The following GFM1 variants were observed in gnomAD, a reference collection of about 807,000 sequenced individuals.
The protein encoded by GFM1 is elongation factor G, mitochondrial.
A neutral mutation model predicts 96.2 loss-of-function variants in GFM1; 62 were observed. That is an observed-to-expected ratio of 0.64 (90% CI 0.53 to 0.80). GFM1 has a LOEUF of 0.80. Ranked by LOEUF, GFM1 falls within the 30% of genes least tolerant of loss-of-function variation. The pLI is 0.00. For missense variants in GFM1, 852 were observed against 916.6 expected, an observed-to-expected ratio of 0.93 and a Z score of 0.91; for synonymous variants, 282 against 312.9, an observed-to-expected ratio of 0.90 and a Z score of 1.04.
At chr3:158,669,420 C>T in intron 13 of GFM1, 1 of 1,594,350 alleles carries the variant, frequency 6.3e-7, no homozygotes, top group Non-Finnish European at 8.5e-7. Flanking sequence ...GTTTTCATGC[C>T]ATATTTATAT....
intron 9 of GFM1, 50 bp downstream of exon 9, chr3:158,659,109 A>G: frequency 6.2e-7 from 1 of 1,601,186 alleles, no homozygotes; most frequent in Non-Finnish European, 8.6e-7. Flanking sequence ...TGTGGGTGAA[A>G]TAGACCCTTC....
chr3:158,654,397 ATC>A, intron 7 of GFM1, 148 bp from the exon 8 acceptor site: 1 of 586,524 alleles, frequency 1.7e-6, no homozygotes, highest in Non-Finnish European at 3.0e-6. Context: ...ATTTCTATTG[ATC>A]TCTTTCAGTG....
intron 1 of GFM1, 31 bp from the exon 2 acceptor site, chr3:158,645,598 G>A: frequency 6.4e-7 from 1 of 1,574,140 alleles, no homozygotes; most frequent in Non-Finnish European, 8.7e-7. Context: ...TATAAAAGGT[G>A]CATAGAATTG....
At chr3:158,654,315 G>A (rs1722561825) in intron 7 of GFM1, among the ~76,000 whole-genome samples, 1 of 140,274 alleles carries the variant, frequency 7.1e-6, no homozygotes. Flanking sequence ...CTGAGCTCAA[G>A]TGATCCTCTC....
At chr3:158,681,725 C>T (rs1449265065) in intron 13 of GFM1, among the ~76,000 whole-genome samples, 3 of 152,066 alleles carry the variant, frequency 2.0e-5, no homozygotes, top group Non-Finnish European at 4.4e-5. Flanking sequence ...TTAGACTGAC[C>T]TTTTTCTTTT....
At position 158,645,166 on chromosome 3, in the gene GFM1, T is replaced by C. The variant is rs149887109; in HGVS notation, c.81+451T>C. Reference sequence around the variant, plus strand: ...TTTGTTTGGAGGGAATTGGAAATCTTTGGGGGCTGTCTTGGAGCTACTAGC... The same window carrying C: ...TTTGTTTGGAGGGAATTGGAAATCTCTGGGGGCTGTCTTGGAGCTACTAGC... On this transcript the variant is annotated intron_variant, in intron 1 of 17. Transcript: ENST00000486715. Among the ~76,000 whole-genome samples the C allele has an allele frequency of 1.3e-3, 198 of 152,288 alleles. 2 individuals carry two copies. The highest frequency in any genetic ancestry group is 1.4e-3 in the Non-Finnish European group (95 of 68,028).
At position 158,665,295 on chromosome 3, in the gene GFM1, A is replaced by T. The variant is rs747149357; in HGVS notation, c.1381-42A>T. The T allele has an allele frequency of 2.7e-6, 4 of 1,506,520 alleles. No homozygotes were observed. The South Asian group carries it at 4.5e-5, about 17-fold the overall frequency. The allele number at this position is 1,506,520 out of a possible 1,614,324, so 93.3% of individuals were successfully genotyped here. A position where few individuals can be genotyped will look rare whatever the true frequency, so the allele number is the denominator to read the frequency against. Reference sequence around the variant, plus strand: ...TTTTTCTAAAATCCCATTGCTTATCATGCTCAGTAAAACATATAGTGACTT... The same window carrying T: ...TTTTTCTAAAATCCCATTGCTTATCTTGCTCAGTAAAACATATAGTGACTT... On this transcript the variant is annotated intron_variant, in intron 11 of 17. Transcript: ENST00000486715.
intron 13 of GFM1, among the ~76,000 whole-genome samples, chr3:158,678,704 C>A (rs1576781659): frequency 6.6e-6 from 1 of 152,204 alleles, no homozygotes; most frequent in Non-Finnish European, 1.5e-5. Context: ...GTTATTACAA[C>A]AAAGGGTAAA....
chr3:158,662,502 G>A, intron 10 of GFM1, 126 bp from the exon 11 acceptor site: 1 of 686,734 alleles, frequency 1.5e-6, no homozygotes, highest in Non-Finnish European at 2.7e-6. Flanking sequence ...ATGTTGTCTA[G>A]CCTAAAGACA....
chr3:158,649,094 G>A lies in GFM1; in HGVS notation c.626G>A (p.Gly209Asp), dbSNP rs2108009521. Reference sequence around the variant, plus strand: ...ATGCAGATACCCATGGGTTTGGAGGGTAATTTTAAAGGTATTGTAGATCTT... The same window carrying A: ...ATGCAGATACCCATGGGTTTGGAGGATAATTTTAAAGGTATTGTAGATCTT... ...AFMQIPMGLE[G>D]NFKGIVDLIE... Residue 209 changes from glycine (G) to aspartate (D), a missense_variant, in exon 5 of 18, where the codon GGT (glycine) becomes GAT (aspartate). By Grantham distance (94) the Gly-to-Asp change is moderately conservative. Coordinates refer to ENST00000486715, the MANE Select transcript of GFM1 (RefSeq NM_024996.7). The A allele has an allele frequency of 6.3e-7, 1 of 1,580,594 alleles. No individual in the cohort carries two copies.
At chr3:158,683,963 A>G (rs1369378818) in intron 14 of GFM1, among the ~76,000 whole-genome samples, 2 of 152,246 alleles carry the variant, frequency 1.3e-5, no homozygotes, top group African/African-American at 2.4e-5. Flanking sequence ...AATGCTCATC[A>G]ATGATAGACT....
In GFM1 at chr3:158,680,664, G is replaced by C. The variant is rs565830409; in HGVS notation, c.1602-1331G>C. On this transcript the variant is annotated intron_variant, in intron 13 of 17. Coordinates refer to ENST00000486715, the MANE Select transcript of GFM1 (RefSeq NM_024996.7). The stretch of plus-strand genomic sequence containing the variant: ...GTTACTTAGTCTCTCTGTCCCTCAG[G>C]TTTCTCATGTGTAAAATGGTGATAA... Among the ~76,000 whole-genome samples the C allele has an allele frequency of 1.6e-4, 24 of 152,196 alleles. No individual in the cohort carries two copies. In the South Asian group the frequency reaches 5.0e-3, roughly 32 times the overall value.
At chr3:158,666,017 T>G (rs1378658686) in intron 12 of GFM1, among the ~76,000 whole-genome samples, 6 of 152,184 alleles carry the variant, frequency 3.9e-5, no homozygotes, top group Non-Finnish European at 8.8e-5. Context: ...TATATATTAT[T>G]CCAGTGAATA....
At chr3:158,660,367 C>T (rs7648483) in intron 9 of GFM1, 63,985 of 155,320 alleles carry the variant, frequency 0.41, 14,389 homozygotes, top group African/African-American at 0.6. Context: ...CTGCCTCAGC[C>T]TCCCTTGTAG....
chr3:158,666,968 T>C (rs1057446374), intron 13 of GFM1: 5 of 1,570,544 alleles, frequency 3.2e-6, no homozygotes, highest in Non-Finnish European at 3.4e-6. Flanking sequence ...ACAAGGAGTC[T>C]CAGTTTTCAG....
At position 158,652,089 on chromosome 3, in the gene GFM1, T is replaced by C. The variant is rs567208295; in HGVS notation, c.690-7T>C. The stretch of plus-strand genomic sequence containing the variant: ...TCCTTAAAGCACCAAAATATTTGCT[T>C]TCTTAGTCAGATTGTTCGATATGGT... On this transcript the variant is annotated splice_polypyrimidine_tract_variant and splice_region_variant and intron_variant, in intron 5 of 17. Transcript: ENST00000486715. 4 of 1,613,820 alleles carry C rather than the reference T, an allele frequency of 2.5e-6. No homozygotes were observed. The Admixed American group carries it at 6.7e-5, about 27-fold the overall frequency.
chr3:158,694,095 A>C lies in GFM1; in HGVS notation c.*2628A>C, dbSNP rs1172603787. Among the ~76,000 whole-genome samples the C allele has an allele frequency of 3.9e-5, 6 of 152,246 alleles. No individual in the cohort carries two copies. The highest frequency in any genetic ancestry group is 9.6e-5 in the African/African-American group (4 of 41,550). ...ATACCATTACTATATACCCAAAGGA[A>C]CGTAAATCATTCTATTATAAAGACA... On this transcript the variant is annotated 3_prime_UTR_variant, in exon 18 of 18. Coordinates refer to ENST00000486715, the MANE Select transcript of GFM1 (RefSeq NM_024996.7).
At chr3:158,674,867 G>T (rs1366819490) in intron 13 of GFM1, among the ~76,000 whole-genome samples, 1 of 152,076 alleles carries the variant, frequency 6.6e-6, no homozygotes, top group Non-Finnish European at 1.5e-5. Context: ...TATATGTGCA[G>T]TCCAGGAATA....
rs553057544 is a variant in GFM1 at position 158,669,375 on chromosome 3, A to G, written c.1601+2989A>G. The G allele has an allele frequency of 2.7e-6, 4 of 1,500,722 alleles. No individual in the cohort carries two copies. In the South Asian group the frequency reaches 4.9e-5, roughly 18 times the overall value. 93.0% of individuals were successfully genotyped at this position (1,500,722 alleles called of 1,614,324 possible). ...CAACTAACAATTTTAAGCACAGATA[A>G]TTGAGATTGATTTTAAGTTTGAATC... On this transcript the variant is annotated intron_variant, in intron 13 of 17. Coordinates refer to ENST00000486715, the MANE Select transcript of GFM1 (RefSeq NM_024996.7).
Sources: allele counts gnomAD v4.1 joint callset (sites outside exome capture counted in the v4.1 genomes callset), GRCh38; gene constraint gnomAD v4.1.1; transcripts MANE v1.5; gene names NCBI Gene and HGNC (gene_info 2026-07-23, HGNC 2026-07-21).